ERI3: variants seen among roughly 807,000 people sequenced by gnomAD.
ERI3 encodes the protein ERI1 exoribonuclease 3.
A neutral mutation model predicts 44.4 loss-of-function variants in ERI3; 18 were observed. The ratio of observed to expected loss-of-function variants is 0.41; its 90% CI spans 0.28 to 0.60. The LOEUF (loss-of-function observed/expected upper bound fraction) is 0.60. Among genes scored for constraint, ERI3 ranks in the 20% least tolerant of loss-of-function variants. The probability of loss-of-function intolerance (pLI) is 0.36; values close to 1 mark genes in which losing one functional copy is unlikely to be tolerated. For synonymous variants in ERI3, 183 were observed against 164.8 expected (o/e 1.11, Z -0.84); for missense variants, 294 against 435.5 (o/e 0.68, Z 2.89).
intron 7 of ERI3, among the ~76,000 whole-genome samples, chr1:44,260,567 G>C (rs531228792): frequency 6.6e-6 from 1 of 152,348 alleles, no homozygotes; most frequent in East Asian, 1.9e-4. Context: ...TGGATGGCTA[G>C]AAGGGAGTAC....
chr1:44,239,463 CAGG>C (rs1420827214), intron 8 of ERI3, among the ~76,000 whole-genome samples: 2 of 152,204 alleles, frequency 1.3e-5, no homozygotes, highest in East Asian at 1.9e-4. Context: ...TAAGCGGCTG[CAGG>C]AGGTGATGGT....
intron 7 of ERI3, among the ~76,000 whole-genome samples, chr1:44,253,358 T>G (rs537449095): frequency 1.3e-5 from 2 of 152,196 alleles, no homozygotes; most frequent in South Asian, 4.1e-4. Flanking sequence ...TTCCTCCAGG[T>G]ATATCTGAGA....
intron 2 of ERI3, among the ~76,000 whole-genome samples, chr1:44,346,867 C>CT (rs1439926639): frequency 6.6e-6 from 1 of 152,170 alleles, no homozygotes; most frequent in Non-Finnish European, 1.5e-5. Flanking sequence ...ACAAAAAGTG[C>CT]TTTGCACAAT....
intron 3 of ERI3, among the ~76,000 whole-genome samples, chr1:44,331,166 C>A (rs1325493730): frequency 2.0e-5 from 3 of 152,184 alleles, no homozygotes; most frequent in Non-Finnish European, 4.4e-5. Flanking sequence ...TTACCCAGAC[C>A]TTCCTGCCTC....
chr1:44,307,336 T>C (rs1168074651), intron 6 of ERI3, among the ~76,000 whole-genome samples: 1 of 151,980 alleles, frequency 6.6e-6, no homozygotes, highest in East Asian at 1.9e-4. Flanking sequence ...CCTGATGTGG[T>C]AGAAAATGTT....
intron 7 of ERI3, among the ~76,000 whole-genome samples, chr1:44,283,260 C>T (rs1247468352): frequency 6.6e-6 from 1 of 152,210 alleles, no homozygotes; most frequent in Non-Finnish European, 1.5e-5. Context: ...CAATTACTCA[C>T]TGAGCACATA....
chr1:44,299,330 G>C (rs1312908217), intron 6 of ERI3, among the ~76,000 whole-genome samples: 1 of 152,024 alleles, frequency 6.6e-6, no homozygotes, highest in African/African-American at 2.4e-5. Flanking sequence ...TTATAGGCAT[G>C]TGCCACCACA....
At chr1:44,300,867 C>G (rs577721948) in intron 6 of ERI3, among the ~76,000 whole-genome samples, 174 of 152,312 alleles carry the variant, frequency 1.1e-3, no homozygotes, top group Middle Eastern at 6.8e-3. Flanking sequence ...GCTACCCCAC[C>G]ACCACTCCAT....
chr1:44,221,635 AGTC>A lies in ERI3; in HGVS notation c.934_936del (p.Asp312del). ...TTCATGATGTTGGCAATGTTCTTGCAGTCGTCTAAAAAGGAGAGAAGACATTTA... is the reference window on the plus strand; with the variant it reads ...TTCATGATGTTGGCAATGTTCTTGCAGTCTAAAAAGGAGAGAAGACATTTA... On this transcript the variant is annotated inframe_deletion and splice_region_variant, in exon 9 of 9. Transcript: ENST00000372257. The surrounding 1 kb of genome is among the most constrained non-coding windows in gnomAD (Gnocchi z 5.9). 6.2e-7 allele frequency: 1 copy of A among 1,613,966 alleles called. No homozygotes were observed. Among genetic ancestry groups the A allele is most frequent in the African/African-American group, 1.3e-5 (1 of 75,048 alleles).
At chr1:44,335,286 G>T (rs558288906) in intron 3 of ERI3, among the ~76,000 whole-genome samples, 5 of 151,804 alleles carry the variant, frequency 3.3e-5, no homozygotes, top group South Asian at 2.1e-4. Flanking sequence ...GAGGCTGAAG[G>T]TTGAGGCTGC....
intron 2 of ERI3, 62 bp from the exon 3 acceptor site, chr1:44,339,384 A>C: frequency 6.2e-6 from 9 of 1,441,522 alleles, no homozygotes; most frequent in African/African-American, 1.4e-5. Context: ...AAAAAAAAGA[A>C]CAGAGAGCCT....
At chr1:44,325,603 A>G (rs1297237870) in intron 3 of ERI3, among the ~76,000 whole-genome samples, 1 of 152,226 alleles carries the variant, frequency 6.6e-6, no homozygotes, top group African/African-American at 2.4e-5. Flanking sequence ...TTTAAGCAGA[A>G]GGCACTCAGG....
chr1:44,293,488 C>T (rs964373907), intron 6 of ERI3, among the ~76,000 whole-genome samples: 7 of 152,246 alleles, frequency 4.6e-5, no homozygotes, highest in African/African-American at 1.7e-4. Context: ...CTTCAGCTCA[C>T]TCACTTCACA....
chr1:44,283,089 GC>G (rs1645322242), intron 7 of ERI3, among the ~76,000 whole-genome samples: 1 of 152,208 alleles, frequency 6.6e-6, no homozygotes, highest in Non-Finnish European at 1.5e-5. Context: ...GCCTGGCCGG[GC>G]CTTCACATTG....
chr1:44,242,953 C>T (rs1398941044), intron 8 of ERI3, among the ~76,000 whole-genome samples: 1 of 152,248 alleles, frequency 6.6e-6, no homozygotes, highest in Non-Finnish European at 1.5e-5. Flanking sequence ...AAGGCTGTCA[C>T]TGTCCTTTCT....
chr1:44,321,059 G>A (rs1646191725), intron 3 of ERI3, among the ~76,000 whole-genome samples: 1 of 152,144 alleles, frequency 6.6e-6, no homozygotes, highest in Non-Finnish European at 1.5e-5. Context: ...ACACCTGACT[G>A]CACTTAGGAA....
chr1:44,225,143 G>A (rs767711024), intron 8 of ERI3, among the ~76,000 whole-genome samples: 6 of 152,100 alleles, frequency 3.9e-5, no homozygotes. Flanking sequence ...TTGCCTTCCA[G>A]CACCTCTCAT....
At chr1:44,240,480 G>A (rs551797144) in intron 8 of ERI3, among the ~76,000 whole-genome samples, 12 of 152,268 alleles carry the variant, frequency 7.9e-5, no homozygotes, top group Middle Eastern at 3.4e-3. Flanking sequence ...AGCAGTACTC[G>A]TGGTGGTGAA....
chr1:44,250,026 A>G (rs1644642699), intron 7 of ERI3, among the ~76,000 whole-genome samples: 1 of 152,188 alleles, frequency 6.6e-6, no homozygotes, highest in Non-Finnish European at 1.5e-5. Flanking sequence ...TTACTCAAGC[A>G]AAGAAAAAAA....
Sources: gnomAD v4.1 joint callset for allele counts (sites outside exome capture counted in the v4.1 genomes callset) on GRCh38, gnomAD v4.1.1 for gene constraint, Gnocchi (gnomAD v3.1) non-coding constraint, MANE v1.5 for transcripts, NCBI Gene and HGNC (gene_info 2026-07-23, HGNC 2026-07-21) for gene names.